The following STK32C variants were observed in gnomAD, a reference collection of about 807,000 sequenced individuals.
STK32C encodes the protein serine/threonine-protein kinase 32C.
In STK32C, 31 loss-of-function variants were observed where a neutral mutation model predicts 56.5. The ratio of observed to expected loss-of-function variants is 0.55; its 90% CI spans 0.41 to 0.74. The LOEUF (loss-of-function observed/expected upper bound fraction) is 0.74, where lower values mean the gene tolerates loss of function less well. Ranked by LOEUF, STK32C falls within the 30% of genes least tolerant of loss-of-function variation. The pLI is 0.00. For missense variants in STK32C, 544 were observed against 676.9 expected (o/e 0.80, Z 2.18); for synonymous variants, 309 against 289.4 (o/e 1.07, Z -0.69).
chr10:132,265,197 C>T (rs1407959157), intron 1 of STK32C, among the ~76,000 whole-genome samples: 1 of 143,534 alleles, frequency 7.0e-6, no homozygotes, highest in Non-Finnish European at 1.5e-5. Context: ...GCCGCAAGGG[C>T]AGTGAGGTGG....
At chr10:132,268,313 G>A (rs1165602539) in intron 1 of STK32C, among the ~76,000 whole-genome samples, 1 of 149,326 alleles carries the variant, frequency 6.7e-6, no homozygotes, top group Non-Finnish European at 1.5e-5. Flanking sequence ...CTCACATTGT[G>A]TATGTGTGTC....
At chr10:132,256,505 C>T (rs2064128036) in intron 1 of STK32C, among the ~76,000 whole-genome samples, 1 of 152,218 alleles carries the variant, frequency 6.6e-6, no homozygotes, top group Non-Finnish European at 1.5e-5. Flanking sequence ...GGGCAACCGC[C>T]TGATCAATAC....
At chr10:132,327,852 T>C (rs761770474) in intron 1 of STK32C, among the ~76,000 whole-genome samples, 9 of 151,974 alleles carry the variant, frequency 5.9e-5, no homozygotes, top group Admixed American at 1.3e-4. Context: ...CAGAAACACA[T>C]AGCAGCTCAC....
chr10:132,315,780 T>C (rs1030592582), intron 1 of STK32C, among the ~76,000 whole-genome samples: 2 of 152,206 alleles, frequency 1.3e-5, no homozygotes, highest in Admixed American at 1.3e-4. Context: ...TATTTTCAAG[T>C]GTGCAAGAAA....
At chr10:132,276,785 C>CAAAA (rs67801075) in intron 1 of STK32C, among the ~76,000 whole-genome samples, 1 of 142,946 alleles carries the variant, frequency 7.0e-6, no homozygotes, top group Non-Finnish European at 1.5e-5. Context: ...GACCCTGCCT[C>CAAAA]AAAAAAAAAA....
chr10:132,319,075 AG>A (rs1410751355), downstream of STK32C, among the ~76,000 whole-genome samples: 3 of 152,160 alleles, frequency 2.0e-5, no homozygotes, highest in Non-Finnish European at 2.9e-5. Flanking sequence ...CAGCCTCCCA[AG>A]TAGCTGGGAT....
At chr10:132,275,501 C>G (rs2064967263) in intron 1 of STK32C, among the ~76,000 whole-genome samples, 1 of 152,184 alleles carries the variant, frequency 6.6e-6, no homozygotes, top group African/African-American at 2.4e-5. Context: ...TAAGAGAGCC[C>G]AGGACATCCT....
intron 1 of STK32C, among the ~76,000 whole-genome samples, chr10:132,265,170 G>A (rs530983723): frequency 4.6e-5 from 6 of 129,566 alleles, no homozygotes; most frequent in African/African-American, 1.2e-4. Context: ...CCAGGGCGGC[G>A]AGGTGGCTCT....
intron 2 of STK32C, among the ~76,000 whole-genome samples, chr10:132,236,526 G>A (rs1350182581): frequency 6.6e-6 from 1 of 152,218 alleles, no homozygotes; most frequent in Non-Finnish European, 1.5e-5. Flanking sequence ...TCTCACTCGC[G>A]GGCTCGCTGC....
chr10:132,330,162 T>C (rs2066617113), intron 1 of STK32C: 1 of 395,664 alleles, frequency 2.5e-6, no homozygotes, highest in Non-Finnish European at 4.8e-6. Flanking sequence ...GGGCAAAAAC[T>C]GAGCACAGTA....
chr10:132,223,046 C>T (rs558476315), intron 8 of STK32C, 60 bp from the exon 9 acceptor site: 43 of 1,518,190 alleles, frequency 2.8e-5, no homozygotes, highest in African/African-American at 2.2e-4. Context: ...CGGAATAGCC[C>T]GCCACCCCCA....
intron 1 of STK32C, among the ~76,000 whole-genome samples, 194 bp from the exon 2 acceptor site, chr10:132,246,149 T>C (rs1165005155): frequency 6.6e-6 from 1 of 152,206 alleles, no homozygotes; most frequent in Admixed American, 6.5e-5. Flanking sequence ...AGTGAAGACA[T>C]GGGCCTTGGG....
intron 1 of STK32C, among the ~76,000 whole-genome samples, chr10:132,262,753 C>CA (rs34135037): frequency 0.066 from 4,841 of 72,984 alleles, 260 homozygotes; most frequent in East Asian, 0.19. Flanking sequence ...GACTCCATCT[C>CA]AAAAAAAAAA....
intron 1 of STK32C, among the ~76,000 whole-genome samples, chr10:132,313,108 G>A (rs2066250562): frequency 2.6e-5 from 4 of 152,156 alleles, no homozygotes; most frequent in East Asian, 1.9e-4. Context: ...GAGGTCAGAC[G>A]GGTCTCCTGA....
intron 10 of STK32C, among the ~76,000 whole-genome samples, chr10:132,210,209 C>T (rs2062248180): frequency 6.6e-6 from 1 of 152,030 alleles, no homozygotes; most frequent in Non-Finnish European, 1.5e-5. Context: ...TAAGGGGACT[C>T]TTCCCTGTCA....
chr10:132,319,237 C>A (rs1441798787), downstream of STK32C, among the ~76,000 whole-genome samples: 1 of 152,346 alleles, frequency 6.6e-6, no homozygotes, highest in African/African-American at 2.4e-5. Context: ...GCGTGAGCCA[C>A]CACGCCCAGT....
At chr10:132,295,441 G>A (rs1222476932) in intron 1 of STK32C, among the ~76,000 whole-genome samples, 1 of 152,242 alleles carries the variant, frequency 6.6e-6, no homozygotes, top group East Asian at 1.9e-4. Flanking sequence ...CAGGGCAAAG[G>A]ACAGCTCCCA....
chr10:132,240,100 CCCCCCCAGGGCAGA>C (rs1442138555), intron 2 of STK32C, among the ~76,000 whole-genome samples: 2 of 150,646 alleles, frequency 1.3e-5, no homozygotes, highest in Non-Finnish European at 3.0e-5. Flanking sequence ...CCCAGGGAAG[CCCCCCCAGGGCAGA>C]GCCTGGGCTA....
intron 1 of STK32C, chr10:132,330,183 C>T: frequency 2.2e-6 from 1 of 462,980 alleles, no homozygotes; most frequent in Non-Finnish European, 4.0e-6. Flanking sequence ...AAGGGCAAAA[C>T]ATGCTCGTAC....
Sources: gnomAD v4.1 joint callset for allele counts (sites outside exome capture counted in the v4.1 genomes callset) on GRCh38, gnomAD v4.1.1 for gene constraint, MANE v1.5 for transcripts, NCBI Gene and HGNC (gene_info 2026-07-23, HGNC 2026-07-21) for gene names.